Variants in MAD2L2 observed in about 807,000 individuals in gnomAD.
MAD2L2 encodes mitotic spindle assembly checkpoint protein MAD2B.
Under a neutral mutation model 30.5 loss-of-function variants are expected in MAD2L2, and 17 were observed. The ratio of observed to expected loss-of-function variants is 0.56; its 90% CI spans 0.38 to 0.84. The LOEUF (loss-of-function observed/expected upper bound fraction) is 0.84. Ranked by LOEUF, MAD2L2 falls within the 40% of genes least tolerant of loss-of-function variation. The probability of loss-of-function intolerance (pLI) is 0.00; values close to 1 mark genes in which losing one functional copy is unlikely to be tolerated. For synonymous variants in MAD2L2, 101 were observed against 113.9 expected (o/e 0.89, Z 0.72); for missense variants, 213 against 277.4 (o/e 0.77, Z 1.65).
Position 11,676,957 on chromosome 1 carries a change from A to G in MAD2L2, c.232-9T>C. On this transcript the variant is annotated splice_polypyrimidine_tract_variant and intron_variant, in intron 4 of 8. Coordinates refer to ENST00000376692, the MANE Select transcript of MAD2L2 (RefSeq NM_006341.4). ...ACTTTCTCCACATCATTCTGCAAAG[A>G]GAGGAACCCCCACTGCAGAGCCAGG... is the stretch of plus-strand genomic sequence containing the variant. The G allele has an allele frequency of 6.2e-7, 1 of 1,606,992 alleles. No homozygotes were observed. The highest frequency in any genetic ancestry group is 8.5e-7 in the Non-Finnish European group (1 of 1,173,550).
At position 11,680,398 on chromosome 1, in the gene MAD2L2, G is replaced by A. The variant is rs759283688; in HGVS notation, c.114C>T (p.Pro38=). The change falls in exon 3 of 9, where the codon CCC becomes CCT. Residue 38 remains proline (P), a synonymous_variant. Coordinates refer to ENST00000376692, the MANE Select transcript of MAD2L2 (RefSeq NM_006341.4). ...HLILYVREVY[P]VGIFQKRKKY... ...TCTTGCGTTTCTGGAAGATGCCCAC[G>A]GGGTAGACCTCGCGCACGTAGAGGA... is the stretch of plus-strand genomic sequence containing the variant. The A allele has an allele frequency of 2.6e-5, 42 of 1,613,874 alleles. No homozygotes were observed. In the African/African-American group the frequency reaches 4.3e-4, roughly 16 times the overall value.
At chr1:11,680,729 G>T (rs1176634861) in intron 1 of MAD2L2, 116 bp from the exon 2 acceptor site, 11 of 1,442,276 alleles carry the variant, frequency 7.6e-6, no homozygotes, top group Non-Finnish European at 1.0e-5. Context: ...AGGACCTCCC[G>T]CTTCGCACAG....
At chr1:11,691,326 G>A (rs1015468452) in intron 1 of MAD2L2, 2 of 152,138 alleles carry the variant, frequency 1.3e-5, no homozygotes, top group Non-Finnish European at 2.9e-5. Context: ...CGCCCGCCCT[G>A]CGCGGGGCCG....
chr1:11,684,633 G>A (rs1405687962), upstream of MAD2L2, among the ~76,000 whole-genome samples: 1 of 152,164 alleles, frequency 6.6e-6, no homozygotes, highest in African/African-American at 2.4e-5. Context: ...AACCCACAGT[G>A]AGTGAACCGG....
At chr1:11,680,867 G>A in intron 1 of MAD2L2, 172 bp downstream of exon 1, 2 of 1,057,578 alleles carry the variant, frequency 1.9e-6, no homozygotes, top group Non-Finnish European at 1.2e-6. Flanking sequence ...CCACAGCTGT[G>A]CCCCCGAAAA....
rs1380062220 is a variant in MAD2L2 at position 11,675,709 on chromosome 1, C to T, written c.450G>A (p.Val150=). Residue 150 remains valine, a synonymous_variant, in exon 7 of 9, where the codon GTG becomes GTA. Coordinates refer to ENST00000376692, the MANE Select transcript of MAD2L2 (RefSeq NM_006341.4). ...TGCGAGTGGCGGCTTCTCTCGTGTG[C>T]ACCAGGACTGTGAAGGTACAGCCTG... is the stretch of plus-strand genomic sequence containing the variant. ...NPPGCTFTVL[V]HTREAATRNM... 1.2e-6 allele frequency: 2 copies of T among 1,613,972 alleles called. No individual in the cohort carries two copies. The highest frequency in any genetic ancestry group is 1.7e-5 in the Admixed American group (1 of 60,006).
rs1640980477 is a variant in MAD2L2 at position 11,687,518 on chromosome 1, G to C, written c.-692+3895C>G. 6.6e-6 allele frequency among the ~76,000 whole-genome samples: 1 copy of C among 152,192 alleles called. No homozygotes were observed. On this transcript the variant is annotated intron_variant, in intron 1 of 10. Transcript: ENST00000235310. The surrounding 1 kb of genome is among the most constrained non-coding windows in gnomAD (Gnocchi z 4.1). ...GCCTCCCAAAGTGTTGGGATGACAGGCATGAGCCACCACGCCCAGACTAAT... is the reference window on the plus strand; with the variant it reads ...GCCTCCCAAAGTGTTGGGATGACAGCCATGAGCCACCACGCCCAGACTAAT...
chr1:11,677,664 A>C (rs1570286566), intron 3 of MAD2L2, 50 bp from the exon 4 acceptor site: 18 of 1,484,796 alleles, frequency 1.2e-5, no homozygotes, highest in Non-Finnish European at 1.7e-5. Context: ...AGATGGGGAA[A>C]CCACCCAACA....
chr1:11,684,240 T>C (rs1480321379), upstream of MAD2L2, among the ~76,000 whole-genome samples: 2 of 152,188 alleles, frequency 1.3e-5, no homozygotes, highest in African/African-American at 2.4e-5. Context: ...ACTCCATCCA[T>C]GCGCTCTTCA....
In MAD2L2 at chr1:11,676,157, G is replaced by A. The variant is rs1640764902; in HGVS notation, c.333-17C>T. On this transcript the variant is annotated splice_polypyrimidine_tract_variant and intron_variant, in intron 5 of 8. Coordinates refer to ENST00000376692, the MANE Select transcript of MAD2L2 (RefSeq NM_006341.4). ...GAGTCTGAGCTGGGAGTGAGAGGAG[G>A]TCTTCCCATCACACTGGCGCCCTCC... The A allele has an allele frequency of 6.5e-6, 10 of 1,548,294 alleles. No individual in the cohort carries two copies. Among genetic ancestry groups the A allele is most frequent in the South Asian group, 2.4e-5 (2 of 84,280 alleles).
Position 11,674,630 on chromosome 1 carries a change from C to T in MAD2L2, c.*145G>A. ...CTGGGGGAGGCATCCTCCAAGCAGA[C>T]CTGAGCGGCCCCGGGCTGGGGCGGG... On this transcript the variant is annotated 3_prime_UTR_variant, in exon 9 of 9. Transcript: ENST00000376692. The surrounding 1 kb of genome is among the most constrained non-coding windows in gnomAD (Gnocchi z 6.1). 3 of 814,284 alleles carry T rather than the reference C, an allele frequency of 3.7e-6. No individual in the cohort carries two copies. Among genetic ancestry groups the T allele is most frequent in the Middle Eastern group, 3.1e-4 (1 of 3,222 alleles). The allele number at this position is 814,284 out of a possible 1,614,324, so 50.4% of individuals were successfully genotyped here. A position where few individuals can be genotyped will look rare whatever the true frequency, so the allele number is the denominator to read the frequency against.
Position 11,687,831 on chromosome 1 carries a change from G to A in MAD2L2, c.-692+3582C>T, listed in dbSNP as rs780479605. ...TCCTTCGTAGAACCAAAATACTCCC[G>A]TGTATGGATAGACCACATCTGCTTA... On this transcript the variant is annotated intron_variant, in intron 1 of 10. Transcript: ENST00000235310. The surrounding 1 kb of genome is among the most constrained non-coding windows in gnomAD (Gnocchi z 4.1). Among the ~76,000 whole-genome samples the A allele has an allele frequency of 2.0e-5, 3 of 152,224 alleles. No individual in the cohort carries two copies. Among genetic ancestry groups the A allele is most frequent in the Non-Finnish European group, 2.9e-5 (2 of 68,024 alleles).
At chr1:11,677,011 TC>T in intron 4 of MAD2L2, 63 bp from the exon 5 acceptor site, 1 of 1,222,098 alleles carries the variant, frequency 8.2e-7, no homozygotes, top group Non-Finnish European at 1.2e-6. Context: ...CCACCCTGCC[TC>T]CACCCCCTTG....
At chr1:11,683,878 G>A (rs1328663721), upstream of MAD2L2, among the ~76,000 whole-genome samples, 2 of 152,180 alleles carry the variant, frequency 1.3e-5, no homozygotes, top group East Asian at 3.8e-4. Context: ...GGCTGAGGCA[G>A]GACAGTCACT....
rs372156161 is a variant in MAD2L2, at chr1:11,677,637, C to T, written c.160-23G>A. On this transcript the variant is annotated intron_variant, in intron 3 of 8. Coordinates refer to ENST00000376692, the MANE Select transcript of MAD2L2 (RefSeq NM_006341.4). ...CATCTGCACACAATACCATGCGGCT[C>T]GTGAGGCCCAAAGCACAGATGGGGA... 1.5e-4 allele frequency: 236 copies of T among 1,603,898 alleles called. 4 individuals carry two copies. In the South Asian group the frequency reaches 2.4e-3, roughly 16 times the overall value.
chr1:11,687,767 C>T lies in MAD2L2; in HGVS notation c.-692+3646G>A, dbSNP rs1363610927. 6.6e-6 allele frequency among the ~76,000 whole-genome samples: 1 copy of T among 152,220 alleles called. No homozygotes were observed. The highest frequency in any genetic ancestry group is 1.5e-5 in the Non-Finnish European group (1 of 68,046). ...CTTGTTCCACTTAGCATAATGTTTT[C>T]AAGATTCATCCAGGTCGAATCACAT... On this transcript the variant is annotated intron_variant, in intron 1 of 10. Coordinates refer to the MAD2L2 transcript ENST00000235310. This position sits in a 1 kb window ranked among gnomAD's most constrained non-coding sequence, Gnocchi z 4.1.
chr1:11,684,303 TC>T (rs1207350336), upstream of MAD2L2, among the ~76,000 whole-genome samples: 8 of 152,130 alleles, frequency 5.3e-5, no homozygotes, highest in Admixed American at 3.9e-4. Flanking sequence ...GGTTGTGGGA[TC>T]CAGATTACAT....
At chr1:11,686,527 A>C (rs1278548192) in intron 1 of MAD2L2, among the ~76,000 whole-genome samples, 1 of 152,064 alleles carries the variant, frequency 6.6e-6, no homozygotes, top group African/African-American at 2.4e-5. Flanking sequence ...CAGCCTCCCA[A>C]AGCTCTGGGA....
At chr1:11,689,924 C>A (rs1263876550) in intron 1 of MAD2L2, among the ~76,000 whole-genome samples, 1 of 151,882 alleles carries the variant, frequency 6.6e-6, no homozygotes, top group African/African-American at 2.4e-5. Context: ...ACCAAACACA[C>A]CAAGCACACT....
Sources: allele counts gnomAD v4.1 joint callset (sites outside exome capture counted in the v4.1 genomes callset), GRCh38; gene constraint gnomAD v4.1.1; non-coding constraint Gnocchi (gnomAD v3.1); transcripts MANE v1.5; gene names NCBI Gene and HGNC (gene_info 2026-07-23, HGNC 2026-07-21).